UQCRC1: variants seen among roughly 807,000 people sequenced by gnomAD.
UQCRC1 encodes ubiquinol-cytochrome c reductase core protein 1, also known as cytochrome b-c1 complex subunit 1, mitochondrial.
UQCRC1 carries 34 observed loss-of-function variants against 58.0 expected under a neutral mutation model. That is an observed-to-expected ratio of 0.59 (90% confidence interval 0.45 to 0.78). The LOEUF (loss-of-function observed/expected upper bound fraction) is 0.78. Ranked by LOEUF, UQCRC1 falls within the 30% of genes least tolerant of loss-of-function variation. The pLI is 0.00. For synonymous variants in UQCRC1, 276 were observed against 248.8 expected (o/e 1.11, Z -1.03); for missense variants, 610 against 646.0 (o/e 0.94, Z 0.60).
chr3:48,607,567 T>C (rs992556683), intron 2 of UQCRC1, among the ~76,000 whole-genome samples: 2 of 151,822 alleles, frequency 1.3e-5, no homozygotes, highest in Admixed American at 6.6e-5. Context: ...TTCTTTTTTT[T>C]TTTTTTTAAG....
rs768445868 is a variant in UQCRC1, at chr3:48,609,627, G to A, written c.-7C>T. The A allele has an allele frequency of 1.3e-6, 2 of 1,561,936 alleles. No homozygotes were observed. Among genetic ancestry groups the A allele is most frequent in the Admixed American group, 1.8e-5 (1 of 54,834 alleles). ...AGACCACGGACGCCGCCATCTTCCA[G>A]CTGCAGTCGGCCCTGTTGCGCCGCG... On this transcript the variant is annotated 5_prime_UTR_variant, in exon 1 of 13. Transcript: ENST00000203407.
intron 2 of UQCRC1, 87 bp from the exon 3 acceptor site, chr3:48,605,943 C>A (rs767230143): frequency 1.5e-6 from 2 of 1,314,534 alleles, no homozygotes; most frequent in Non-Finnish European, 2.1e-6. Context: ...CAGTACAAGC[C>A]CCAGGCAGGG....
Position 48,609,622 on chromosome 3 carries a change from T to C in UQCRC1, c.-2A>G, listed in dbSNP as rs1173755867. On this transcript the variant is annotated 5_prime_UTR_variant, in exon 1 of 13. Coordinates refer to ENST00000203407, the MANE Select transcript of UQCRC1 (RefSeq NM_003365.3). ...CCGACAGACCACGGACGCCGCCATC[T>C]TCCAGCTGCAGTCGGCCCTGTTGCG... 1 of 1,566,882 alleles carries C rather than the reference T, an allele frequency of 6.4e-7. No homozygotes were observed. Among genetic ancestry groups the C allele is most frequent in the Admixed American group, 1.8e-5 (1 of 55,536 alleles).
intron 2 of UQCRC1, 114 bp downstream of exon 2, chr3:48,609,048 G>T: frequency 6.9e-7 from 1 of 1,445,794 alleles, no homozygotes; most frequent in Non-Finnish European, 9.3e-7. Flanking sequence ...AGTGGTCCTG[G>T]GTCCGAACCC....
chr3:48,609,490 C>T (rs954251022), intron 1 of UQCRC1, 62 bp downstream of exon 1: 2 of 1,537,508 alleles, frequency 1.3e-6, no homozygotes, highest in East Asian at 2.4e-5. Context: ...CTGCTAACAG[C>T]CCACACCTGT....
chr3:48,601,162 G>A (rs1427912021), intron 7 of UQCRC1, 44 bp from the exon 8 acceptor site: 1 of 1,574,434 alleles, frequency 6.4e-7, no homozygotes, highest in African/African-American at 1.3e-5. Flanking sequence ...CAGACTGCCA[G>A]GGGAACAGAA....
chr3:48,604,585 G>A, intron 4 of UQCRC1, 66 bp downstream of exon 4: 1 of 1,607,752 alleles, frequency 6.2e-7, no homozygotes, highest in Admixed American at 1.7e-5. Context: ...TGGTCAGCCA[G>A]GGGCTCCTAG....
At chr3:48,607,479 C>T (rs557400475) in intron 2 of UQCRC1, among the ~76,000 whole-genome samples, 70 of 151,766 alleles carry the variant, frequency 4.6e-4, no homozygotes, top group African/African-American at 1.6e-3. Flanking sequence ...CCAGCCAAGA[C>T]TTTTTTTTAT....
intron 11 of UQCRC1, 82 bp from the exon 12 acceptor site, chr3:48,599,792 G>C (rs1182030940): frequency 2.3e-5 from 32 of 1,421,380 alleles, no homozygotes; most frequent in Non-Finnish European, 2.0e-6. Context: ...AACTAGCAGA[G>C]ATCTCCCACA....
At position 48,603,054 on chromosome 3, in the gene UQCRC1, C is replaced by T. The variant is rs188314691; in HGVS notation, c.706+510G>A. ...CTTCCCCTGCGCTCAGCTCCCCACA[C>T]CCCACCTAAATAACACTCACCACCT... On this transcript the variant is annotated intron_variant, in intron 6 of 12. Coordinates refer to ENST00000203407, the MANE Select transcript of UQCRC1 (RefSeq NM_003365.3). Among the ~76,000 whole-genome samples the T allele has an allele frequency of 2.6e-5, 4 of 152,270 alleles. No homozygotes were observed. In the East Asian group the frequency reaches 7.7e-4, roughly 29 times the overall value.
chr3:48,604,175 G>A (rs1292716869), intron 5 of UQCRC1, 58 bp downstream of exon 5: 2 of 1,564,822 alleles, frequency 1.3e-6, no homozygotes, highest in African/African-American at 1.4e-5. Context: ...GACCTGGAAA[G>A]GGTCTGGCCA....
chr3:48,601,323 GCAC>G, intron 7 of UQCRC1, 26 bp downstream of exon 7: 1 of 1,611,784 alleles, frequency 6.2e-7, no homozygotes, highest in South Asian at 1.1e-5. Context: ...CCCCAGCTGA[GCAC>G]TACTCCTGCC....
In UQCRC1 at chr3:48,604,674, G is replaced by A. The variant is rs773064116; in HGVS notation, c.404C>T (p.Ala135Val). The A allele has an allele frequency of 6.2e-6, 10 of 1,614,156 alleles. No homozygotes were observed. In the Admixed American group the frequency reaches 6.7e-5, roughly 11 times the overall value. Residue 135 changes from alanine (A) to valine (V), a missense_variant, in exon 4 of 13, where the codon GCG becomes GTG. Coordinates refer to ENST00000203407, the MANE Select transcript of UQCRC1 (RefSeq NM_003365.3). ...TREHTAYYIK[A>V]LSKDLPKAVE... ...ACCTTTCGGCAGATCCTTGGACAGCGCCTTGATGTAGTAAGCTGTGTGCTC... is the reference window on the plus strand; with the variant it reads ...ACCTTTCGGCAGATCCTTGGACAGCACCTTGATGTAGTAAGCTGTGTGCTC...
chr3:48,601,380 A>G lies in UQCRC1; in HGVS notation c.794T>C (p.Leu265Pro). 6.2e-7 allele frequency: 1 copy of G among 1,614,204 alleles called. No individual in the cohort carries two copies. Among genetic ancestry groups the G allele is most frequent in the African/African-American group, 1.3e-5 (1 of 75,058 alleles). Residue 265 changes from leucine (L) to proline (P), a missense_variant, in exon 7 of 13, where the codon CTT becomes CCT. Transcript: ENST00000203407. Reference protein sequence around the residue: ...WTYAEDAVPTLTPCRFTGSEI... With the variant: ...WTYAEDAVPTPTPCRFTGSEI... ...ACTGCCAGTGAAGCGGCATGGAGTA[A>G]GAGTGGGCACAGCGTCCTCTGCATA...
chr3:48,609,111 G>A lies in UQCRC1; in HGVS notation c.210+51C>T, dbSNP rs187343191. 431 of 1,564,368 alleles carry A rather than the reference G, an allele frequency of 2.8e-4. 1 individual carries two copies. In the African/African-American group the frequency reaches 5.1e-3, roughly 18 times the overall value. ...AAGGTCACACCCCAACCAGGGAAAAGACGGCAGGCCCAACCTGGAGGCCCT... is the reference window on the plus strand; with the variant it reads ...AAGGTCACACCCCAACCAGGGAAAAAACGGCAGGCCCAACCTGGAGGCCCT... On this transcript the variant is annotated intron_variant, in intron 2 of 12. Coordinates refer to ENST00000203407, the MANE Select transcript of UQCRC1 (RefSeq NM_003365.3).
intron 11 of UQCRC1, 104 bp from the exon 12 acceptor site, chr3:48,599,814 G>A (rs1575511484): frequency 7.8e-7 from 1 of 1,273,970 alleles, no homozygotes; most frequent in East Asian, 2.3e-5. Flanking sequence ...GCAGCATGCA[G>A]CTGTCCCCAG....
chr3:48,607,151 C>G (rs2046421084), intron 2 of UQCRC1, among the ~76,000 whole-genome samples: 1 of 152,116 alleles, frequency 6.6e-6, no homozygotes. Context: ...ATGGCATTCT[C>G]CTGCCTCAGC....
In UQCRC1 at chr3:48,599,147, A is replaced by C. The variant is rs368349820; in HGVS notation, c.1424T>G (p.Met475Arg). The C allele has an allele frequency of 6.2e-7, 1 of 1,611,630 alleles. No homozygotes were observed. Among genetic ancestry groups the C allele is most frequent in the Non-Finnish European group, 8.5e-7 (1 of 1,178,566 alleles). ...LPDYNRIRSG[M>R]FWLRF ...TCCCGCCTAGAAGCGCAGCCAGAACATGCCGCTACGGATCCGGTTGTAGTC... is the reference window on the plus strand; with the variant it reads ...TCCCGCCTAGAAGCGCAGCCAGAACCTGCCGCTACGGATCCGGTTGTAGTC... Residue 475 changes from methionine (M) to arginine (R), a missense_variant, in exon 13 of 13, where the codon ATG (methionine) becomes AGG (arginine). Met to Arg is a moderately conservative substitution (Grantham distance 91). Coordinates refer to ENST00000203407, the MANE Select transcript of UQCRC1 (RefSeq NM_003365.3).
At chr3:48,604,922 C>T (rs1422261356) in intron 3 of UQCRC1, 142 bp from the exon 4 acceptor site, 3 of 1,257,070 alleles carry the variant, frequency 2.4e-6, no homozygotes, top group Non-Finnish European at 3.3e-6. Context: ...ATCCCAGAGT[C>T]TGTTTACCAA....
Sources: allele counts gnomAD v4.1 joint callset (sites outside exome capture counted in the v4.1 genomes callset), GRCh38; gene constraint gnomAD v4.1.1; transcripts MANE v1.5; gene names NCBI Gene and HGNC (gene_info 2026-07-23, HGNC 2026-07-21).